ITSN2: variants seen among roughly 807,000 people sequenced by gnomAD.
ITSN2 encodes intersectin 2.
In ITSN2, 156 loss-of-function variants were observed where a neutral mutation model predicts 243.7. The ratio of observed to expected loss-of-function variants is 0.64; its 90% CI spans 0.56 to 0.73. The LOEUF (loss-of-function observed/expected upper bound fraction) is 0.73, where lower values mean the gene tolerates loss of function less well. ITSN2 is among the 30% of genes least tolerant of loss of function. The pLI, the probability that ITSN2 is intolerant of heterozygous loss-of-function variation, is 0.00. For synonymous variants in ITSN2, 703 were observed against 699.9 expected, an observed-to-expected ratio of 1.00 and a Z score of -0.07; for missense variants, 1,801 against 1,996.1, an observed-to-expected ratio of 0.90 and a Z score of 1.86.
At chr2:24,284,880 C>A in intron 16 of ITSN2, 37 bp from the exon 17 acceptor site, 4 of 922,108 alleles carry the variant, frequency 4.3e-6, no homozygotes, top group Non-Finnish European at 6.8e-6. Context: ...AATTAAACTA[C>A]GTACAGAATT....
intron 1 of ITSN2, among the ~76,000 whole-genome samples, chr2:24,341,333 T>C (rs1231747674): frequency 2.0e-5 from 3 of 152,140 alleles, no homozygotes; most frequent in Admixed American, 6.6e-5. Flanking sequence ...TTGGGAGTAG[T>C]TGTAATCATG....
chr2:24,246,874 T>C lies in ITSN2; in HGVS notation c.3308A>G (p.Gln1103Arg). Reference sequence around the variant, plus strand: ...ATGACTGGCAGGAAACCATCCTTTCTGTCGCTTTTTTCCTCTGGCCTAAAA... The same window carrying C: ...ATGACTGGCAGGAAACCATCCTTTCCGTCGCTTTTTTCCTCTGGCCTAAAA... ...GELQARGKKRQKGWFPASHVK... is the reference protein window; with the variant it reads ...GELQARGKKRRKGWFPASHVK... Residue 1103 changes from glutamine to arginine, a missense_variant, in exon 28 of 40, where the codon CAG becomes CGG. Transcript: ENST00000355123. The C allele has an allele frequency of 6.2e-7, 1 of 1,612,672 alleles. No homozygotes were observed. The highest frequency in any genetic ancestry group is 8.5e-7 in the Non-Finnish European group (1 of 1,179,212).
At chr2:24,233,216 C>T (rs1445779781) in intron 29 of ITSN2, among the ~76,000 whole-genome samples, 1 of 152,092 alleles carries the variant, frequency 6.6e-6, no homozygotes, top group Admixed American at 6.5e-5. Flanking sequence ...TTAATCTCCC[C>T]CAATGGTATG....
chr2:24,338,972 C>T (rs966971968), intron 1 of ITSN2, among the ~76,000 whole-genome samples: 1 of 152,046 alleles, frequency 6.6e-6, no homozygotes, highest in Non-Finnish European at 1.5e-5. Context: ...AACATGAGGT[C>T]GGTGGCAAAC....
intron 1 of ITSN2, among the ~76,000 whole-genome samples, chr2:24,359,810 C>T (rs1375508110): frequency 1.3e-5 from 2 of 152,176 alleles, no homozygotes; most frequent in Non-Finnish European, 2.9e-5. Flanking sequence ...GTGACTCGGG[C>T]TACTTTGACG....
intron 1 of ITSN2, among the ~76,000 whole-genome samples, chr2:24,345,375 A>C (rs1360791690): frequency 4.6e-5 from 7 of 152,180 alleles, no homozygotes; most frequent in African/African-American, 1.7e-4. Context: ...TCACAGTACC[A>C]TCTCCAAGAT....
chr2:24,270,447 A>G (rs1025999612), intron 20 of ITSN2, among the ~76,000 whole-genome samples: 1 of 152,240 alleles, frequency 6.6e-6, no homozygotes, highest in Admixed American at 6.5e-5. Context: ...CAATGCTGAC[A>G]GTTACAACTT....
At chr2:24,341,994 G>C (rs1280523165) in intron 1 of ITSN2, among the ~76,000 whole-genome samples, 1 of 152,274 alleles carries the variant, frequency 6.6e-6, no homozygotes, top group South Asian at 2.1e-4. Context: ...GGAGATGGGA[G>C]AGAAGTTACC....
At position 24,211,308 on chromosome 2, in the gene ITSN2, C is replaced by G. The variant is rs1237882635; in HGVS notation, c.4090-361G>C. 1.3e-5 allele frequency among the ~76,000 whole-genome samples: 2 copies of G among 152,186 alleles called. No homozygotes were observed. The highest frequency in any genetic ancestry group is 4.8e-5 in the African/African-American group (2 of 41,438). ...GCCCTCCTGTATAAACTGGCTGCAG[C>G]TGTGGTAAGTGTGAACTTGCTGAAT... On this transcript the variant is annotated intron_variant, in intron 33 of 39. Transcript: ENST00000355123. The surrounding 1 kb of genome is among the most constrained non-coding windows in gnomAD (Gnocchi z 4.1).
intron 2 of ITSN2, among the ~76,000 whole-genome samples, chr2:24,319,028 G>A (rs1227690980): frequency 6.6e-6 from 1 of 152,194 alleles, no homozygotes; most frequent in South Asian, 2.1e-4. Flanking sequence ...ATGATCTGCA[G>A]TGGAGCAGTT....
intron 1 of ITSN2, among the ~76,000 whole-genome samples, chr2:24,354,830 TTTA>T (rs1226039771): frequency 2.0e-5 from 3 of 152,242 alleles, no homozygotes; most frequent in African/African-American, 7.2e-5. Flanking sequence ...AAAACAAATG[TTTA>T]CCGTCTGGTA....
intron 8 of ITSN2, among the ~76,000 whole-genome samples, chr2:24,304,267 G>C (rs1415984517): frequency 6.6e-6 from 1 of 152,154 alleles, no homozygotes; most frequent in African/African-American, 2.4e-5. Flanking sequence ...GCTACTCTGG[G>C]TTCAGCCTGA....
intron 1 of ITSN2, among the ~76,000 whole-genome samples, chr2:24,342,144 A>C (rs1466493466): frequency 6.6e-6 from 1 of 152,094 alleles, no homozygotes; most frequent in African/African-American, 2.4e-5. Flanking sequence ...TAAGTTTAGA[A>C]GCAGAAGAAA....
chr2:24,209,368 A>T, intron 35 of ITSN2, 147 bp from the exon 36 acceptor site: 2 of 845,848 alleles, frequency 2.4e-6, no homozygotes, highest in Non-Finnish European at 1.8e-6. Flanking sequence ...CACAGAACAA[A>T]TGAAACCTCC....
At chr2:24,217,275 T>C (rs563980454) in intron 31 of ITSN2, among the ~76,000 whole-genome samples, 5 of 152,272 alleles carry the variant, frequency 3.3e-5, no homozygotes, top group African/African-American at 1.2e-4. Context: ...ACTTGGGTGT[T>C]TCAAGGCCTT....
chr2:24,319,014 C>T (rs998984959), intron 2 of ITSN2, among the ~76,000 whole-genome samples: 3 of 152,162 alleles, frequency 2.0e-5, no homozygotes, highest in Non-Finnish European at 4.4e-5. Flanking sequence ...GAATCTAATG[C>T]CTGATGATCT....
At chr2:24,207,243 G>A (rs955242562) in intron 37 of ITSN2, among the ~76,000 whole-genome samples, 2 of 152,284 alleles carry the variant, frequency 1.3e-5, no homozygotes, top group Admixed American at 6.5e-5. Context: ...GTGGGAGATC[G>A]GGGGCCTGTG....
At chr2:24,357,071 T>C (rs894842368) in intron 1 of ITSN2, among the ~76,000 whole-genome samples, 1 of 152,222 alleles carries the variant, frequency 6.6e-6, no homozygotes, top group Non-Finnish European at 1.5e-5. Context: ...AGTATGGCAA[T>C]TCCTCAAGGA....
Position 24,221,031 on chromosome 2 carries a change from G to C in ITSN2, c.3613C>G (p.Pro1205Ala). 14 of 1,608,748 alleles carry C rather than the reference G, an allele frequency of 8.7e-6. No individual in the cohort carries two copies. The highest frequency in any genetic ancestry group is 1.7e-5 in the Admixed American group (1 of 59,130). ...ADLQTLDTMQ[P>A]IERKRQGYIH... The stretch of plus-strand genomic sequence containing the variant: ...TAGCCCTGTCTTTTCCTCTCAATTG[G>C]CTGCATTGTGTCCAGGGTTTGCAGA... The change falls in exon 30 of 40, where the codon CCA (proline) becomes GCA (alanine). Residue 1205 changes from proline to alanine, a missense_variant. Pro to Ala is a conservative substitution (Grantham distance 27, BLOSUM62 -1). Coordinates refer to ENST00000355123, the MANE Select transcript of ITSN2 (RefSeq NM_006277.3).
Sources: allele counts gnomAD v4.1 joint callset (sites outside exome capture counted in the v4.1 genomes callset), GRCh38; gene constraint gnomAD v4.1.1; non-coding constraint Gnocchi (gnomAD v3.1); transcripts MANE v1.5; gene names NCBI Gene and HGNC (gene_info 2026-07-23, HGNC 2026-07-21).